The following CNTNAP2 variants were observed in gnomAD, a reference collection of about 807,000 sequenced individuals.
The protein encoded by CNTNAP2 is contactin associated protein 2, also known as contactin-associated protein-like 2.
Under a neutral mutation model 155.2 loss-of-function variants are expected in CNTNAP2, and 98 were observed. The observed-to-expected ratio is 0.63, with a 90% CI of 0.54 to 0.75. The LOEUF (loss-of-function observed/expected upper bound fraction) is 0.75. CNTNAP2 is among the 30% of genes least tolerant of loss of function. The pLI is 0.00. For synonymous variants in CNTNAP2, 651 were observed against 631.2 expected, an observed-to-expected ratio of 1.03 and a Z score of -0.47; for missense variants, 1,727 against 1,688.1, an observed-to-expected ratio of 1.02 and a Z score of -0.40.
chr7:146,856,371 G>A (rs911731265), intron 3 of CNTNAP2, among the ~76,000 whole-genome samples: 3 of 151,880 alleles, frequency 2.0e-5, no homozygotes, highest in Non-Finnish European at 2.9e-5. Flanking sequence ...ATAAAATGAG[G>A]CAGAAGAGAG....
At chr7:148,247,614 TCTCTCTCTCTC>T in intron 20 of CNTNAP2, among the ~76,000 whole-genome samples, 3 of 147,096 alleles carry the variant, frequency 2.0e-5, no homozygotes, top group South Asian at 4.3e-4. Context: ...TCTCTCTCTC[TCTCTCTCTCTC>T]TATTTATTTA....
At chr7:146,335,653 T>G (rs571815347) in intron 1 of CNTNAP2, among the ~76,000 whole-genome samples, 1 of 152,224 alleles carries the variant, frequency 6.6e-6, no homozygotes, top group South Asian at 2.1e-4. Context: ...ATCCTTCACG[T>G]TTTTTAAAAA....
intron 1 of CNTNAP2, among the ~76,000 whole-genome samples, chr7:146,648,517 T>A (rs1363653937): frequency 6.6e-6 from 1 of 152,150 alleles, no homozygotes; most frequent in Non-Finnish European, 1.5e-5. Context: ...AAATGTTTTT[T>A]AAAAAACTAA....
At chr7:147,487,624 A>T (rs1384724062) in intron 11 of CNTNAP2, among the ~76,000 whole-genome samples, 1 of 152,132 alleles carries the variant, frequency 6.6e-6, no homozygotes, top group Non-Finnish European at 1.5e-5. Flanking sequence ...TATCTCAGTG[A>T]TGGCTTTTAC....
At chr7:146,725,384 T>C (rs76186972) in intron 1 of CNTNAP2, among the ~76,000 whole-genome samples, 3,647 of 152,280 alleles carry the variant, frequency 0.024, 74 homozygotes, top group Non-Finnish European at 0.032. Context: ...CCATTTTGCC[T>C]TTAGCCTTCA....
At chr7:148,147,907 C>T (rs1805223239) in intron 17 of CNTNAP2, among the ~76,000 whole-genome samples, 198 bp downstream of exon 17, 2 of 152,204 alleles carry the variant, frequency 1.3e-5, no homozygotes, top group Admixed American at 6.5e-5. Flanking sequence ...TCTCGTTCCA[C>T]TTCCACTCTT....
intron 1 of CNTNAP2, among the ~76,000 whole-genome samples, chr7:146,367,710 A>C (rs1181944910): frequency 6.6e-6 from 1 of 152,170 alleles, no homozygotes; most frequent in East Asian, 1.9e-4. Context: ...GCTAACACAG[A>C]AATCCATTAA....
At chr7:147,788,900 C>CTTTTATTTTTTTT (rs1797776343) in intron 13 of CNTNAP2, among the ~76,000 whole-genome samples, 1 of 100,748 alleles carries the variant, frequency 9.9e-6, no homozygotes, top group Non-Finnish European at 1.9e-5. Flanking sequence ...TTTTCTTTTT[C>CTTTTATTTTTTTT]TTTTTTTTTT....
chr7:147,380,580 A>C (rs1421566690), intron 9 of CNTNAP2, among the ~76,000 whole-genome samples: 1 of 151,884 alleles, frequency 6.6e-6, no homozygotes, highest in Non-Finnish European at 1.5e-5. Flanking sequence ...GCCAAAAAAA[A>C]GGCAGAAAAA....
intron 9 of CNTNAP2, among the ~76,000 whole-genome samples, chr7:147,385,940 T>C (rs1796618678): frequency 6.6e-6 from 1 of 152,234 alleles, no homozygotes; most frequent in African/African-American, 2.4e-5. Flanking sequence ...ATCCATGCAT[T>C]TCCATACATC....
intron 12 of CNTNAP2, among the ~76,000 whole-genome samples, chr7:147,575,559 T>G (rs1263882222): frequency 6.6e-6 from 1 of 151,202 alleles, no homozygotes; most frequent in Non-Finnish European, 1.5e-5. Flanking sequence ...ATTCCCTAGC[T>G]TTAGGGGATT....
intron 1 of CNTNAP2, among the ~76,000 whole-genome samples, chr7:146,259,953 T>C (rs1336903179): frequency 1.3e-5 from 2 of 152,124 alleles, no homozygotes; most frequent in Non-Finnish European, 1.5e-5. Flanking sequence ...CCTGTAGTCC[T>C]AGGAGGGAAA....
intron 4 of CNTNAP2, among the ~76,000 whole-genome samples, chr7:147,070,967 C>T (rs1192417728): frequency 6.6e-6 from 1 of 152,058 alleles, no homozygotes; most frequent in East Asian, 1.9e-4. Context: ...ATTTGCTTCA[C>T]TCCAGGCCCA....
At chr7:146,584,766 A>G (rs1292815274) in intron 1 of CNTNAP2, among the ~76,000 whole-genome samples, 1 of 151,162 alleles carries the variant, frequency 6.6e-6, no homozygotes, top group African/African-American at 2.5e-5. Context: ...GAGAAAGCCA[A>G]GGGCCTATTG....
intron 1 of CNTNAP2, among the ~76,000 whole-genome samples, chr7:146,513,892 A>T (rs761371754): frequency 1.3e-5 from 2 of 151,992 alleles, no homozygotes; most frequent in Non-Finnish European, 2.9e-5. Flanking sequence ...GAATTTCCTC[A>T]GCTTCCGTTT....
chr7:146,423,921 G>C (rs1796050135), intron 1 of CNTNAP2, among the ~76,000 whole-genome samples: 1 of 152,144 alleles, frequency 6.6e-6, no homozygotes, highest in African/African-American at 2.4e-5. Context: ...CAATTTCTGT[G>C]ATGTCTCTGA....
intron 3 of CNTNAP2, among the ~76,000 whole-genome samples, chr7:146,908,881 A>G (rs1191089084): frequency 6.8e-6 from 1 of 148,012 alleles, no homozygotes; most frequent in Non-Finnish European, 1.5e-5. Context: ...TTTTGAAAGG[A>G]TCAACAAAAT....
At chr7:147,965,120 A>T (rs1021479108) in intron 14 of CNTNAP2, among the ~76,000 whole-genome samples, 4 of 152,178 alleles carry the variant, frequency 2.6e-5, no homozygotes, top group Non-Finnish European at 5.9e-5. Flanking sequence ...AACTGAAATG[A>T]GAGGACCCTG....
rs552461485 is a variant in CNTNAP2, at chr7:146,693,827, A to G, written c.98-80444A>G. On this transcript the variant is annotated intron_variant, in intron 1 of 23. Coordinates refer to ENST00000361727, the MANE Select transcript of CNTNAP2 (RefSeq NM_014141.6). Reference sequence around the variant, plus strand: ...GTGGTTTGTAGCACCTATCAACCCAACACCTAGGTATTAAGCATAGCATGC... The same window carrying G: ...GTGGTTTGTAGCACCTATCAACCCAGCACCTAGGTATTAAGCATAGCATGC... 8.5e-5 allele frequency among the ~76,000 whole-genome samples: 13 copies of G among 152,144 alleles called. 1 individual carries two copies. In the East Asian group the frequency reaches 2.5e-3, roughly 29 times the overall value.
Sources: gnomAD v4.1 joint callset for allele counts (sites outside exome capture counted in the v4.1 genomes callset) on GRCh38, gnomAD v4.1.1 for gene constraint, MANE v1.5 for transcripts, NCBI Gene and HGNC (gene_info 2026-07-23, HGNC 2026-07-21) for gene names.